CYP3A43: variants seen among roughly 807,000 people sequenced by gnomAD.
CYP3A43 encodes the protein cytochrome P450 3A43.
In CYP3A43, 45 loss-of-function variants were observed where a neutral mutation model predicts 58.0. That is an observed-to-expected ratio of 0.78 (90% CI 0.61 to 0.99). The LOEUF (loss-of-function observed/expected upper bound fraction) is 0.99. CYP3A43 is among the 50% of genes least tolerant of loss of function. The pLI is 0.00. For missense variants in CYP3A43, 593 were observed against 591.9 expected, an observed-to-expected ratio of 1.00 and a Z score of -0.02; for synonymous variants, 191 against 201.4, an observed-to-expected ratio of 0.95 and a Z score of 0.44.
chr7:99,842,204 C>T (rs1408229565), intron 3 of CYP3A43, among the ~76,000 whole-genome samples: 1 of 152,142 alleles, frequency 6.6e-6, no homozygotes, highest in African/African-American at 2.4e-5. Context: ...TGTTAATTTA[C>T]AATCTCCCTA....
chr7:99,833,634 C>T (rs1172457496), intron 1 of CYP3A43, among the ~76,000 whole-genome samples: 5 of 152,150 alleles, frequency 3.3e-5, no homozygotes, highest in Non-Finnish European at 2.9e-5. Context: ...TTTCTGCTTA[C>T]GCACTCTTTA....
intron 7 of CYP3A43, 162 bp from the exon 8 acceptor site, chr7:99,855,429 G>A: frequency 1.1e-6 from 1 of 892,344 alleles, no homozygotes; most frequent in Non-Finnish European, 1.6e-6. Flanking sequence ...GCATGGAAGA[G>A]GGGCAAAGGT....
intron 11 of CYP3A43, among the ~76,000 whole-genome samples, chr7:99,863,199 T>C (rs568612448): frequency 6.6e-6 from 1 of 152,360 alleles, no homozygotes; most frequent in East Asian, 1.9e-4. Flanking sequence ...GTGACTACAA[T>C]GTTATCTTGA....
chr7:99,842,800 A>G (rs1159463991), intron 3 of CYP3A43, among the ~76,000 whole-genome samples: 1 of 152,194 alleles, frequency 6.6e-6, no homozygotes, highest in African/African-American at 2.4e-5. Context: ...AAGGCCACAT[A>G]TCTCCCCAGA....
intron 9 of CYP3A43, among the ~76,000 whole-genome samples, chr7:99,858,633 C>A (rs893363650): frequency 6.6e-6 from 1 of 151,156 alleles, no homozygotes; most frequent in Non-Finnish European, 1.5e-5. Context: ...TTGGCCAATG[C>A]CCATCTATAC....
rs1393574437 is a variant in CYP3A43, at chr7:99,839,173, G to A, written c.218+1G>A. On this transcript the variant is annotated splice_donor_variant, in intron 3 of 12. Transcript: ENST00000354829. LOFTEE classifies it high-confidence loss of function. ...ATGAAAAATACGGAGAAATGTGGGGGTGAGTATTCTGGAAACTTGCATTGG... is the reference window on the plus strand; with the variant it reads ...ATGAAAAATACGGAGAAATGTGGGGATGAGTATTCTGGAAACTTGCATTGG... 2.5e-6 allele frequency: 4 copies of A among 1,614,138 alleles called. No individual in the cohort carries two copies. The highest frequency in any genetic ancestry group is 3.4e-6 in the Non-Finnish European group (4 of 1,180,012).
chr7:99,856,022 T>C (rs1263169944), intron 8 of CYP3A43, among the ~76,000 whole-genome samples: 1 of 152,240 alleles, frequency 6.6e-6, no homozygotes, highest in Non-Finnish European at 1.5e-5. Flanking sequence ...TTTGACTGTA[T>C]AAAGTTGCCA....
chr7:99,842,605 A>G (rs974206115), intron 3 of CYP3A43, among the ~76,000 whole-genome samples: 2 of 151,732 alleles, frequency 1.3e-5, no homozygotes, highest in African/African-American at 2.4e-5. Flanking sequence ...GTCCTTTATG[A>G]AAAAAAAAGT....
At chr7:99,845,781 C>A (rs1253315688) in intron 4 of CYP3A43, among the ~76,000 whole-genome samples, 1 of 124,796 alleles carries the variant, frequency 8.0e-6, no homozygotes, top group Non-Finnish European at 1.6e-5. Context: ...CTTGTTTTTG[C>A]TTTTTTTTTT....
At chr7:99,850,669 C>A (rs1817725511) in intron 7 of CYP3A43, among the ~76,000 whole-genome samples, 1 of 152,136 alleles carries the variant, frequency 6.6e-6, no homozygotes, top group Non-Finnish European at 1.5e-5. Flanking sequence ...CAAAACCCCC[C>A]TCAGCTTTAA....
rs1371480899 is a variant in CYP3A43 at position 99,866,058 on chromosome 7, C to G, written c.*57C>G. On this transcript the variant is annotated 3_prime_UTR_variant, in exon 13 of 13. Transcript: ENST00000354829. ...AAGCTGTATCCCAGAACACTAGACACTTCAAATTGTTTTGTGAATAAAACT... is the reference window on the plus strand; with the variant it reads ...AAGCTGTATCCCAGAACACTAGACAGTTCAAATTGTTTTGTGAATAAAACT... 9.2e-7 allele frequency: 1 copy of G among 1,084,468 alleles called. No individual in the cohort carries two copies. The highest frequency in any genetic ancestry group is 1.3e-6 in the Non-Finnish European group (1 of 748,244). The allele number at this position is 1,084,468 out of a possible 1,614,324, so 67.2% of individuals were successfully genotyped here.
rs781570823 is a variant in CYP3A43 at position 99,859,995 on chromosome 7, G to A, written c.1026+5G>A. ...GACGCAGTTTTACCCAATAAGGTAA[G>A]GGGATGATCCCCTGGAGAAGGAGGG... On this transcript the variant is annotated splice_donor_5th_base_variant and intron_variant, in intron 10 of 12. Transcript: ENST00000354829. The A allele has an allele frequency of 3.6e-5, 57 of 1,585,350 alleles. No homozygotes were observed. The highest frequency in any genetic ancestry group is 4.8e-5 in the Non-Finnish European group (56 of 1,166,584).
At chr7:99,836,337 T>C (rs1278466216) in intron 1 of CYP3A43, 116 bp from the exon 2 acceptor site, 6 of 735,760 alleles carry the variant, frequency 8.2e-6, no homozygotes, top group Non-Finnish European at 1.4e-5. Flanking sequence ...TTGTTATTTA[T>C]TGCCTCCATG....
intron 9 of CYP3A43, among the ~76,000 whole-genome samples, chr7:99,858,698 A>C (rs1034880264): frequency 4.8e-5 from 4 of 83,630 alleles, no homozygotes; most frequent in African/African-American, 2.0e-4. Flanking sequence ...TATTATTATT[A>C]TTATTATTAT....
intron 12 of CYP3A43, among the ~76,000 whole-genome samples, chr7:99,864,941 G>A (rs1332672757): frequency 2.7e-5 from 4 of 148,544 alleles, no homozygotes; most frequent in Non-Finnish European, 5.9e-5. Context: ...TTTATATCAA[G>A]CAAGGCCCTA....
Position 99,849,613 on chromosome 7 carries a change from A to T in CYP3A43, c.589A>T (p.Asn197Tyr). Residue 197 changes from asparagine (N) to tyrosine (Y), a missense_variant, in exon 7 of 13, where the codon AAC (asparagine) becomes TAC (tyrosine). Transcript: ENST00000354829. ...TLFGVNLDSL[N>Y]NPQDPFLKNM... is the part of the protein sequence containing the mutation. ...ATTTGGAGTGAACTTGGATTCTCTC[A>T]ACAATCCACAAGATCCCTTTCTGAA... 1.2e-6 allele frequency: 2 copies of T among 1,613,476 alleles called. No homozygotes were observed. Among genetic ancestry groups the T allele is most frequent in the Non-Finnish European group, 8.5e-7 (1 of 1,179,866 alleles).
intron 9 of CYP3A43, among the ~76,000 whole-genome samples, chr7:99,858,684 T>C (rs1208554336): frequency 7.6e-6 from 1 of 131,416 alleles, no homozygotes; most frequent in African/African-American, 4.0e-5. Flanking sequence ...ATTATTATTA[T>C]TATTATTATT....
intron 7 of CYP3A43, among the ~76,000 whole-genome samples, chr7:99,855,004 T>A (rs1817916818): frequency 1.3e-5 from 2 of 151,854 alleles, no homozygotes; most frequent in African/African-American, 4.8e-5. Flanking sequence ...CATGACTGGG[T>A]CCCAAGTAGC....
At chr7:99,859,723 T>A (rs919538598) in intron 9 of CYP3A43, 107 bp from the exon 10 acceptor site, 64 of 1,445,464 alleles carry the variant, frequency 4.4e-5, no homozygotes, top group Non-Finnish European at 5.9e-5. Flanking sequence ...ATTGCTTTTC[T>A]ATTTTTGCTC....
Sources: allele counts gnomAD v4.1 joint callset (sites outside exome capture counted in the v4.1 genomes callset), GRCh38; gene constraint gnomAD v4.1.1; transcripts MANE v1.5; gene names NCBI Gene and HGNC (gene_info 2026-07-23, HGNC 2026-07-21).